GPR35: variants seen among roughly 807,000 people sequenced by gnomAD.
GPR35 encodes KYNA receptor.
For missense variants in GPR35, 372 were observed against 422.5 expected (o/e 0.88, Z 1.05); for synonymous variants, 207 against 198.4 (o/e 1.04, Z -0.36).
intron 2 of GPR35, among the ~76,000 whole-genome samples, chr2:240,615,388 C>T (rs942472142): frequency 5.3e-5 from 8 of 152,244 alleles, no homozygotes; most frequent in African/African-American, 1.7e-4. Flanking sequence ...CCCATCTTCT[C>T]CTGCACTGCC....
intron 2 of GPR35, among the ~76,000 whole-genome samples, chr2:240,615,217 G>A (rs1167427487): frequency 6.6e-6 from 1 of 152,150 alleles, no homozygotes; most frequent in Admixed American, 6.5e-5. Context: ...TCTCCCCAGG[G>A]CTCACGAGGC....
intron 1 of GPR35, among the ~76,000 whole-genome samples, chr2:240,625,812 G>A (rs1450242157): frequency 4.8e-5 from 6 of 126,038 alleles, no homozygotes; most frequent in South Asian, 2.8e-4. Context: ...TCTCAGAGTG[G>A]GGTGAGGCTG....
chr2:240,625,637 G>C, intron 1 of GPR35, 69 bp downstream of exon 1: 1 of 667,068 alleles, frequency 1.5e-6, no homozygotes, highest in South Asian at 6.9e-5. Flanking sequence ...TCAGAGTGGG[G>C]TGAGGCTGTG....
At chr2:240,619,804 C>T (rs2043273520) in intron 5 of GPR35, among the ~76,000 whole-genome samples, 1 of 152,220 alleles carries the variant, frequency 6.6e-6, no homozygotes, top group African/African-American at 2.4e-5. Context: ...CGGCCTCAGG[C>T]AGGCAGTGGG....
In GPR35 at chr2:240,630,780, C is replaced by T. The variant is rs776644768; in HGVS notation, c.828C>T (p.Tyr276=). The T allele has an allele frequency of 3.1e-6, 5 of 1,613,440 alleles. No individual in the cohort carries two copies. The highest frequency in any genetic ancestry group is 2.2e-5 in the East Asian group (1 of 44,898). Residue 276 remains tyrosine, a synonymous_variant, in exon 2 of 2, where the codon TAC becomes TAT. Coordinates refer to ENST00000407714, the MANE Select transcript of GPR35 (RefSeq NM_005301.5). ...DANCCLDAIC[Y]YYMAKEFQEA... Reference sequence around the variant, plus strand: ...ACTGCTGCCTGGACGCCATCTGCTACTACTACATGGCCAAGGAGTTCCAGG... The same window carrying T: ...ACTGCTGCCTGGACGCCATCTGCTATTACTACATGGCCAAGGAGTTCCAGG...
chr2:240,625,246 G>A (rs1051224261), upstream of GPR35: 54 of 985,196 alleles, frequency 5.5e-5, no homozygotes, highest in Middle Eastern at 2.1e-3. Flanking sequence ...GCTGTTTCCA[G>A]AACAAATGTG....
chr2:240,622,672 C>T (rs534599557), upstream of GPR35, among the ~76,000 whole-genome samples: 27 of 152,328 alleles, frequency 1.8e-4, no homozygotes, highest in East Asian at 3.1e-3. Context: ...GGGTGGCGTC[C>T]GGCAGCTCTA....
At chr2:240,623,391 ACAGGTCGTGAGGGCG>A (rs2043326153), upstream of GPR35, among the ~76,000 whole-genome samples, 1 of 99,374 alleles carries the variant, frequency 1.0e-5, no homozygotes. Context: ...GAGGGCGCAA[ACAGGTCGTGAGGGCG>A]CAAACAGATC....
At chr2:240,617,297 G>T (rs974146409) in exon 4 of GPR35, 37 of 712,060 alleles carry the variant, frequency 5.2e-5, no homozygotes, top group African/African-American at 4.9e-4. Context: ...ACTCATGAAA[G>T]ACCCTGAGCA....
upstream of GPR35, among the ~76,000 whole-genome samples, chr2:240,623,182 G>C (rs2043318797): frequency 6.6e-6 from 1 of 152,238 alleles, no homozygotes; most frequent in African/African-American, 2.4e-5. Context: ...TCTGTGCCAG[G>C]GCCCCGACAG....
intron 2 of GPR35, among the ~76,000 whole-genome samples, chr2:240,612,384 G>A (rs1412036998): frequency 3.7e-5 from 5 of 134,358 alleles, no homozygotes; most frequent in Non-Finnish European, 6.1e-5. Flanking sequence ...TGGAGATCAC[G>A]CCACTGCACT....
At position 240,607,922 on chromosome 2, in the gene GPR35, C is replaced by T. The variant is rs770566276; in HGVS notation, c.-577+1310C>T. On this transcript the variant is annotated intron_variant, in intron 2 of 5. Transcript: ENST00000319838. ...TTGTTTTTAAATTGAGACAGGGGCTCACTCTGTTGCCCAGGCTGGAGTACA... is the reference window on the plus strand; with the variant it reads ...TTGTTTTTAAATTGAGACAGGGGCTTACTCTGTTGCCCAGGCTGGAGTACA... Among the ~76,000 whole-genome samples, 43 of 151,856 alleles carry T rather than the reference C, an allele frequency of 2.8e-4. 1 individual carries two copies. The highest frequency in any genetic ancestry group is 5.9e-4 in the Non-Finnish European group (40 of 67,978).
intron 2 of GPR35, among the ~76,000 whole-genome samples, chr2:240,612,266 TA>T (rs1391236481): frequency 6.0e-4 from 86 of 143,104 alleles, no homozygotes; most frequent in South Asian, 4.0e-3. Flanking sequence ...CCGTCTCTAC[TA>T]AAAAAAAAAA....
chr2:240,607,707 G>T (rs920519459), intron 2 of GPR35, among the ~76,000 whole-genome samples: 4 of 152,024 alleles, frequency 2.6e-5, no homozygotes, highest in African/African-American at 4.8e-5. Context: ...GCATTTATTA[G>T]TTCATAGTGT....
At chr2:240,615,689 T>C (rs1211929111) in intron 2 of GPR35, among the ~76,000 whole-genome samples, 1 of 152,254 alleles carries the variant, frequency 6.6e-6, no homozygotes, top group African/African-American at 2.4e-5. Flanking sequence ...AGATAAGGAC[T>C]TTTAAAAACA....
rs374717437 is a variant in GPR35 at position 240,613,731 on chromosome 2, T to A, written c.-576-2657T>A. 1.8e-4 allele frequency among the ~76,000 whole-genome samples: 27 copies of A among 151,632 alleles called. No individual in the cohort carries two copies. In the South Asian group the frequency reaches 5.6e-3, roughly 32 times the overall value. ...TCCGAACCTTAAAGCTAATTAACAA[T>A]GCCTCATATGGACCCGAACCCTAAC... On this transcript the variant is annotated intron_variant, in intron 2 of 5. Transcript: ENST00000319838.
In GPR35 at chr2:240,631,677, AGGGGTTG is replaced by A. The variant is rs1049648245; in HGVS notation, c.*798_*804del. ...GCTGGAAACCATGTCTGGCAGGGGC[AGGGGTTG>A]GGTGCCCACTCAGGTAAAGGCACGA... On this transcript the variant is annotated 3_prime_UTR_variant, in exon 2 of 2. Transcript: ENST00000407714. Among the ~76,000 whole-genome samples, 6 of 152,138 alleles carry A rather than the reference AGGGGTTG, an allele frequency of 3.9e-5. No individual in the cohort carries two copies. The highest frequency in any genetic ancestry group is 1.4e-4 in the African/African-American group (6 of 41,442).
At chr2:240,611,823 G>A (rs977216446) in intron 2 of GPR35, among the ~76,000 whole-genome samples, 27 of 152,214 alleles carry the variant, frequency 1.8e-4, no homozygotes, top group African/African-American at 4.6e-4. Context: ...GGGCAGAGGG[G>A]TGACTGTTGA....
chr2:240,621,641 A>AG (rs2125482184), upstream of GPR35, among the ~76,000 whole-genome samples: 1 of 152,316 alleles, frequency 6.6e-6, no homozygotes, highest in African/African-American at 2.4e-5. Flanking sequence ...CTGCAAAAGG[A>AG]GTCTCGATTC....
Sources: gnomAD v4.1 joint callset for allele counts (sites outside exome capture counted in the v4.1 genomes callset) on GRCh38, gnomAD v4.1.1 for gene constraint, MANE v1.5 for transcripts, NCBI Gene and HGNC (gene_info 2026-07-23, HGNC 2026-07-21) for gene names.